ENOX2: variants seen among roughly 807,000 people sequenced by gnomAD.
The protein encoded by ENOX2 is APK1 antigen.
A neutral mutation model predicts 45.0 loss-of-function variants in ENOX2; 36 were observed. That is an observed-to-expected ratio of 0.80 (90% CI 0.61 to 1.06). The LOEUF (loss-of-function observed/expected upper bound fraction) is 1.06, where lower values mean the gene tolerates loss of function less well. Among genes scored for constraint, ENOX2 ranks in the 50% least tolerant of loss-of-function variants. The pLI, the probability that ENOX2 is intolerant of heterozygous loss-of-function variation, is 0.00. For synonymous variants in ENOX2, 174 were observed against 152.3 expected, an observed-to-expected ratio of 1.14 and a Z score of -1.05; for missense variants, 423 against 462.5, an observed-to-expected ratio of 0.91 and a Z score of 0.78.
intron 6 of ENOX2, among the ~76,000 whole-genome samples, chrX:130,678,029 G>A (rs1384699796): frequency 9.2e-6 from 1 of 108,857 alleles, no homozygotes; most frequent in Non-Finnish European, 1.9e-5. Context: ...GGAGGTTGCG[G>A]TGAGCCAAAA....
chrX:130,735,691 A>C (rs761401296), intron 3 of ENOX2, among the ~76,000 whole-genome samples: 16 of 112,304 alleles, frequency 1.4e-4, no homozygotes, highest in Admixed American at 1.2e-3. Flanking sequence ...CATTGCTATA[A>C]GAAGAAAATA....
At chrX:130,692,511 G>T (rs2037629609) in intron 4 of ENOX2, among the ~76,000 whole-genome samples, 1 of 111,168 alleles carries the variant, frequency 9.0e-6, no homozygotes, top group Non-Finnish European at 1.9e-5. Flanking sequence ...TTTCCCCACT[G>T]CCTTCTTGAC....
At chrX:130,721,842 A>T (rs2038486655) in intron 3 of ENOX2, among the ~76,000 whole-genome samples, 1 of 112,421 alleles carries the variant, frequency 8.9e-6, no homozygotes, top group Non-Finnish European at 1.9e-5. Context: ...CTGGAACAGA[A>T]AATTGGCAAT....
chrX:130,651,527 A>G, intron 10 of ENOX2, among the ~76,000 whole-genome samples: 1 of 111,618 alleles, frequency 9.0e-6, no homozygotes, highest in Non-Finnish European at 1.9e-5. Flanking sequence ...TACCATGCCA[A>G]TCCCCAACTC....
At chrX:130,669,214 C>T (rs1224061331) in intron 7 of ENOX2, among the ~76,000 whole-genome samples, 1 of 111,653 alleles carries the variant, frequency 9.0e-6, no homozygotes, top group African/African-American at 3.3e-5. Flanking sequence ...AGCATTCATC[C>T]AATAAAATCA....
intron 2 of ENOX2, among the ~76,000 whole-genome samples, chrX:130,823,959 T>C (rs1412714908): frequency 8.9e-6 from 1 of 112,261 alleles, no homozygotes; most frequent in East Asian, 2.8e-4. Flanking sequence ...AATGAACATT[T>C]GAAATCATTA....
At chrX:130,891,499 T>G (rs960222975) in intron 2 of ENOX2, among the ~76,000 whole-genome samples, 2 of 92,083 alleles carry the variant, frequency 2.2e-5, no homozygotes, top group Admixed American at 1.2e-4. Flanking sequence ...GGTTTTTTTT[T>G]TTTTTTTTTT....
At chrX:130,729,659 T>TA (rs1569494102) in intron 3 of ENOX2, among the ~76,000 whole-genome samples, 2 of 112,035 alleles carry the variant, frequency 1.8e-5, no homozygotes, top group African/African-American at 3.2e-5. Flanking sequence ...ATGCTCCCTA[T>TA]CATAATACAA....
At chrX:130,746,213 A>G (rs1307846481) in intron 3 of ENOX2, among the ~76,000 whole-genome samples, 1 of 112,222 alleles carries the variant, frequency 8.9e-6, no homozygotes, top group African/African-American at 3.2e-5. Flanking sequence ...ATGAGCAGCA[A>G]TGGACTTCCC....
chrX:130,706,495 A>C (rs1015462155), intron 3 of ENOX2, among the ~76,000 whole-genome samples: 1 of 111,192 alleles, frequency 9.0e-6, no homozygotes, highest in Non-Finnish European at 1.9e-5. Context: ...AAAAGCAAGA[A>C]GCACCAAGCA....
At chrX:130,863,832 C>T (rs2078447487) in intron 2 of ENOX2, among the ~76,000 whole-genome samples, 1 of 111,879 alleles carries the variant, frequency 8.9e-6, no homozygotes. Context: ...TTTTCTATTT[C>T]TGTCTTCAAA....
chrX:130,662,043 A>T (rs2036705609), intron 9 of ENOX2, among the ~76,000 whole-genome samples: 1 of 111,641 alleles, frequency 9.0e-6, no homozygotes. Context: ...AGAGAGAAAC[A>T]CATAGGTTTT....
intron 3 of ENOX2, among the ~76,000 whole-genome samples, chrX:130,765,726 C>A (rs946358065): frequency 3.6e-5 from 4 of 111,576 alleles, no homozygotes; most frequent in Admixed American, 1.9e-4. Flanking sequence ...CAAAGATTCT[C>A]TTGAGTATTT....
chrX:130,632,593 G>A (rs1322996685), intron 12 of ENOX2, among the ~76,000 whole-genome samples: 1 of 111,716 alleles, frequency 9.0e-6, no homozygotes, highest in Non-Finnish European at 1.9e-5. Context: ...TCCTTGGGGG[G>A]CAGATCATGG....
chrX:130,692,401 CATATAAAAGAGTTATGGAAAAGG>C (rs2037625473), intron 4 of ENOX2, among the ~76,000 whole-genome samples: 1 of 112,621 alleles, frequency 8.9e-6, no homozygotes, highest in African/African-American at 3.2e-5. Flanking sequence ...GATTTGAAAT[CATATAAAAGAGTTATGGAAAAGG>C]CCAAGATACT....
At chrX:130,887,195 A>G (rs945325623) in intron 2 of ENOX2, among the ~76,000 whole-genome samples, 4 of 111,533 alleles carry the variant, frequency 3.6e-5, no homozygotes, top group African/African-American at 1.3e-4. Flanking sequence ...AAATTCAGAT[A>G]AAACAAAACA....
In ENOX2 at chrX:130,670,019, G is replaced by T. The variant is rs369982515; in HGVS notation, c.640C>A (p.Pro214Thr). Residue 214 changes from proline (P) to threonine (T), a missense_variant, in exon 7 of 15, where the codon CCA becomes ACA. Pro to Thr is a conservative substitution (Grantham distance 38). Around this residue, in one of 5 missense-constraint regions of ENOX2, gnomAD observed 261 missense variants for 306.8 expected, o/e 0.85. Coordinates refer to ENST00000394363, the MANE Select transcript of ENOX2 (RefSeq NM_006375.4). Reference sequence around the variant, plus strand: ...TCATGATCTGAATAGTGGACCACTGGGGGTGGAGATGGTGGACGCAATCTT... The same window carrying T: ...TCATGATCTGAATAGTGGACCACTGTGGGTGGAGATGGTGGACGCAATCTT... ...EERLRPPSPP[P>T]VVHYSDHECS... The T allele has an allele frequency of 7.4e-6, 9 of 1,209,593 alleles. No individual in the cohort carries two copies. The highest frequency in any genetic ancestry group is 3.5e-5 in the South Asian group (2 of 56,773).
chrX:130,659,966 T>C (rs2036645965), intron 9 of ENOX2, among the ~76,000 whole-genome samples: 1 of 112,360 alleles, frequency 8.9e-6, no homozygotes. Flanking sequence ...ATCTAGTCTT[T>C]CACATCTTCA....
intron 2 of ENOX2, among the ~76,000 whole-genome samples, chrX:130,806,434 C>T (rs149541958): frequency 3.6e-5 from 4 of 112,024 alleles, no homozygotes; most frequent in Non-Finnish European, 7.5e-5. Flanking sequence ...TAAATTCTTG[C>T]ACAAAAGAAG....
Sources: gnomAD v4.1 joint callset for allele counts (sites outside exome capture counted in the v4.1 genomes callset) on GRCh38, gnomAD v4.1.1 for gene constraint, gnomAD v4.1.1 regional missense constraint, MANE v1.5 for transcripts, NCBI Gene and HGNC (gene_info 2026-07-23, HGNC 2026-07-21) for gene names.